The following CCSER1 variants were observed in gnomAD, a reference collection of about 807,000 sequenced individuals.
CCSER1 encodes the protein serine-rich coiled-coil domain-containing protein 1.
In CCSER1, 41 loss-of-function variants were observed where a neutral mutation model predicts 82.0. That is an observed-to-expected ratio of 0.50 (90% CI 0.39 to 0.65). CCSER1 has a LOEUF of 0.65. CCSER1 is among the 30% of genes least tolerant of loss of function. CCSER1 has a pLI of 0.00. For missense variants in CCSER1, 1,119 were observed against 1,064.2 expected, an observed-to-expected ratio of 1.05 and a Z score of -0.72; for synonymous variants, 414 against 383.9, an observed-to-expected ratio of 1.08 and a Z score of -0.92.
chr4:90,723,307 C>T (rs2149373042), intron 6 of CCSER1, among the ~76,000 whole-genome samples: 1 of 151,918 alleles, frequency 6.6e-6, no homozygotes, highest in South Asian at 2.1e-4. Flanking sequence ...CAGCCATTAG[C>T]AACATTCCAG....
chr4:91,470,096 G>C (rs1373625332), intron 10 of CCSER1, among the ~76,000 whole-genome samples: 1 of 152,110 alleles, frequency 6.6e-6, no homozygotes, highest in Non-Finnish European at 1.5e-5. Context: ...TATATAACCA[G>C]TGCTGAAATG....
intron 10 of CCSER1, among the ~76,000 whole-genome samples, chr4:91,366,676 C>A (rs1354474052): frequency 6.6e-6 from 1 of 152,150 alleles, no homozygotes; most frequent in Non-Finnish European, 1.5e-5. Flanking sequence ...CCATTCAATT[C>A]AAATTTAGAA....
At chr4:91,403,161 T>C (rs1752454784) in intron 10 of CCSER1, among the ~76,000 whole-genome samples, 1 of 152,180 alleles carries the variant, frequency 6.6e-6, no homozygotes, top group Admixed American at 6.6e-5. Context: ...GTAGCAATTG[T>C]GAATGGGAGT....
chr4:91,059,909 A>G (rs963159285), intron 9 of CCSER1, among the ~76,000 whole-genome samples: 1 of 152,060 alleles, frequency 6.6e-6, no homozygotes, highest in Admixed American at 6.6e-5. Context: ...GAGTAGTGAC[A>G]GGTTCACACA....
rs1252379897 is a variant in CCSER1 at position 91,352,354 on chromosome 4, C to G, written c.2218-246218C>G. Among the ~76,000 whole-genome samples, 5 of 152,150 alleles carry G rather than the reference C, an allele frequency of 3.3e-5. 1 individual carries two copies. In the South Asian group the frequency reaches 1.0e-3, roughly 31 times the overall value. On this transcript the variant is annotated intron_variant, in intron 10 of 10. Coordinates refer to ENST00000509176, the MANE Select transcript of CCSER1 (RefSeq NM_001145065.2). ...CTCCACCTCCTAGGTTCAAGCAATT[C>G]TCCTGCCTCAGCCTCCCAAGTAGCT...
intron 3 of CCSER1, among the ~76,000 whole-genome samples, chr4:90,347,298 CT>C (rs1742518562): frequency 7.0e-6 from 1 of 143,238 alleles, no homozygotes; most frequent in African/African-American, 2.6e-5. Context: ...TCAGTGATAA[CT>C]ATTAACATAA....
At chr4:91,361,713 G>A (rs1274777649) in intron 10 of CCSER1, among the ~76,000 whole-genome samples, 1 of 151,734 alleles carries the variant, frequency 6.6e-6, no homozygotes, top group African/African-American at 2.4e-5. Context: ...TTAGTTTGAA[G>A]ACATGTCTTT....
chr4:90,276,305 TC>T (rs1466960996), intron 1 of CCSER1, among the ~76,000 whole-genome samples: 8 of 125,036 alleles, frequency 6.4e-5, no homozygotes, highest in South Asian at 5.7e-4. Flanking sequence ...CTTCCTTCCT[TC>T]CTTTCTTTCT....
At chr4:90,524,978 A>G (rs1773576725) in intron 5 of CCSER1, among the ~76,000 whole-genome samples, 1 of 152,146 alleles carries the variant, frequency 6.6e-6, no homozygotes, top group South Asian at 2.1e-4. Flanking sequence ...CTCATTTAAA[A>G]TCATGCAAAT....
intron 5 of CCSER1, among the ~76,000 whole-genome samples, chr4:90,484,204 G>GC (rs202141632): frequency 0.12 from 18,851 of 152,084 alleles, 1,827 homozygotes; most frequent in African/African-American, 0.27. Flanking sequence ...TAGTTCTCGT[G>GC]CGTGGTTTTT....
At chr4:90,951,272 C>T (rs1390969356) in intron 9 of CCSER1, 2 of 151,968 alleles carry the variant, frequency 1.3e-5, no homozygotes, top group Non-Finnish European at 2.9e-5. Context: ...CTCTAGTACT[C>T]TTGTCCAGGA....
chr4:91,042,488 G>T (rs1742050826), intron 9 of CCSER1, among the ~76,000 whole-genome samples: 1 of 152,026 alleles, frequency 6.6e-6, no homozygotes, highest in Non-Finnish European at 1.5e-5. Context: ...TTTTTTAAGG[G>T]TAAAATTAAT....
At chr4:91,191,967 C>G (rs1176908705) in intron 10 of CCSER1, among the ~76,000 whole-genome samples, 1 of 152,112 alleles carries the variant, frequency 6.6e-6, no homozygotes, top group Non-Finnish European at 1.5e-5. Flanking sequence ...GCTTCATCTC[C>G]TCTCCTTCTG....
chr4:90,629,278 A>G (rs1723901103), intron 6 of CCSER1, among the ~76,000 whole-genome samples: 1 of 152,124 alleles, frequency 6.6e-6, no homozygotes, highest in Admixed American at 6.5e-5. Context: ...AGCTGTTATA[A>G]ACTGTATTAG....
chr4:91,408,949 T>C (rs547816731), intron 10 of CCSER1, among the ~76,000 whole-genome samples: 2 of 152,322 alleles, frequency 1.3e-5, no homozygotes, highest in African/African-American at 4.8e-5. Context: ...AGGTCAGACC[T>C]GGGTGTTCAT....
intron 1 of CCSER1, among the ~76,000 whole-genome samples, chr4:90,260,348 T>G (rs1724092905): frequency 6.6e-6 from 1 of 152,200 alleles, no homozygotes; most frequent in Admixed American, 6.5e-5. Context: ...TCTAGTGTTC[T>G]GTGGAGTATT....
At chr4:90,949,238 G>A (rs1320249039) in intron 9 of CCSER1, among the ~76,000 whole-genome samples, 1 of 151,978 alleles carries the variant, frequency 6.6e-6, no homozygotes, top group Non-Finnish European at 1.5e-5. Context: ...GTTTATGTGA[G>A]CAATCTGCTG....
chr4:90,300,017 A>G (rs1357338864), intron 1 of CCSER1, among the ~76,000 whole-genome samples: 3 of 151,800 alleles, frequency 2.0e-5, no homozygotes, highest in Non-Finnish European at 2.9e-5. Context: ...ATAATGGAAG[A>G]TTTTCTTTTT....
intron 9 of CCSER1, among the ~76,000 whole-genome samples, chr4:90,937,866 A>G (rs1335272668): frequency 1.3e-5 from 2 of 152,016 alleles, no homozygotes; most frequent in Admixed American, 6.6e-5. Flanking sequence ...TATTTAACCT[A>G]CCTTTACAGT....
Sources: gnomAD v4.1 joint callset for allele counts (sites outside exome capture counted in the v4.1 genomes callset) on GRCh38, gnomAD v4.1.1 for gene constraint, MANE v1.5 for transcripts, NCBI Gene and HGNC (gene_info 2026-07-23, HGNC 2026-07-21) for gene names.